The following PWWP2A variants were observed in gnomAD, a reference collection of about 807,000 sequenced individuals.
The protein encoded by PWWP2A is PWWP domain-containing protein 2A.
PWWP2A carries 18 observed loss-of-function variants against 48.5 expected under a neutral mutation model. That is an observed-to-expected ratio of 0.37 (90% CI 0.26 to 0.55). The LOEUF is 0.55. PWWP2A is among the 20% of genes least tolerant of loss of function. The pLI is 0.81. For missense variants in PWWP2A, 867 were observed against 976.4 expected (o/e 0.89, Z 1.49); for synonymous variants, 396 against 387.7 (o/e 1.02, Z -0.25).
At chr5:160,064,826 A>G in intron 4 of PWWP2A, 1 of 1,247,194 alleles carries the variant, frequency 8.0e-7, no homozygotes, top group Non-Finnish European at 1.1e-6. Context: ...TTAACTGCAA[A>G]GAGATACTTT....
At chr5:160,082,752 A>C (rs936207501) in intron 2 of PWWP2A, among the ~76,000 whole-genome samples, 6 of 152,172 alleles carry the variant, frequency 3.9e-5, no homozygotes. Flanking sequence ...TACCACTAGC[A>C]CAGGATATCC....
rs551284658 is a variant in PWWP2A at position 160,118,890 on chromosome 5, C to T, written c.499G>A (p.Asp167Asn). 1 of 1,601,170 alleles carries T rather than the reference C, an allele frequency of 6.2e-7. No individual in the cohort carries two copies. Among genetic ancestry groups the T allele is most frequent in the Non-Finnish European group, 8.5e-7 (1 of 1,174,916 alleles). Residue 167 changes from aspartate to asparagine, a missense_variant, in exon 1 of 2, where the codon GAC becomes AAC. By Grantham distance (23) the Asp-to-Asn change is conservative. Around this residue, in one of 4 missense-constraint regions of PWWP2A, gnomAD observed 385 missense variants for 396.9 expected, o/e 0.97. Coordinates refer to ENST00000307063, the MANE Select transcript of PWWP2A (RefSeq NM_001130864.2). The part of the protein sequence containing the change: ...IPGSEVRVTL[D>N]HIIEDALVVS... ...ACAAGCGCGTCCTCAATGATGTGGT[C>T]CAGCGTGACCCGCACCTCCGAGCCC...
chr5:160,097,475 C>T (rs530784283), intron 1 of PWWP2A, among the ~76,000 whole-genome samples: 6 of 147,356 alleles, frequency 4.1e-5, no homozygotes, highest in African/African-American at 1.3e-4. Context: ...ACTAAAAATA[C>T]AAAAATTAGC....
Position 160,118,967 on chromosome 5 carries a change from G to T in PWWP2A, c.422C>A (p.Pro141Gln). ...EEPPLPQPVA[P>Q]ALVPPAGGDS... ...CCCGCCCGCCGGCGGCACGAGCGCC[G>T]GGGCTACGGGCTGAGGCAGCGGCGG... The change falls in exon 1 of 2, where the codon CCG becomes CAG. Residue 141 changes from proline (P) to glutamine (Q), a missense_variant. Pro to Gln is a moderately conservative substitution (Grantham distance 76). Coordinates refer to ENST00000307063, the MANE Select transcript of PWWP2A (RefSeq NM_001130864.2). The T allele has an allele frequency of 6.3e-7, 1 of 1,597,704 alleles. No homozygotes were observed. Among genetic ancestry groups the T allele is most frequent in the East Asian group, 2.3e-5 (1 of 42,986 alleles).
In PWWP2A at chr5:160,092,963, T is replaced by TG; in HGVS notation, c.1686dup (p.Asn563GlnfsTer14). ...TTTAGGGTCATATAAACAGAGATAT[T>TG]GTTTTTGCTGCCCTTTTTGCCCAAT... On this transcript the variant is annotated frameshift_variant, in exon 2 of 2. Transcript: ENST00000307063. LOFTEE classifies it high-confidence loss of function. The TG allele has an allele frequency of 6.4e-7, 1 of 1,553,290 alleles. No individual in the cohort carries two copies. Among genetic ancestry groups the TG allele is most frequent in the Non-Finnish European group, 8.7e-7 (1 of 1,147,794 alleles).
chr5:160,105,017 G>C (rs1756723891), intron 1 of PWWP2A, among the ~76,000 whole-genome samples: 1 of 152,164 alleles, frequency 6.6e-6, no homozygotes, highest in Non-Finnish European at 1.5e-5. Flanking sequence ...CAAAGCAGGA[G>C]TATCGTTTGA....
intron 1 of PWWP2A, among the ~76,000 whole-genome samples, chr5:160,101,516 C>G (rs1427504427): frequency 2.0e-5 from 3 of 152,106 alleles, no homozygotes. Flanking sequence ...GGTGGAGAAG[C>G]AGAAATGGGA....
At chr5:160,047,996 C>A in the PWWP2A span, among the ~76,000 whole-genome samples, 26 of 151,994 alleles carry the variant, frequency 1.7e-4, no homozygotes, top group Non-Finnish European at 2.1e-4. Flanking sequence ...TCTTGTTTCC[C>A]ACTATAGCCC....
the PWWP2A span, among the ~76,000 whole-genome samples, chr5:160,044,811 T>C: frequency 6.6e-6 from 1 of 152,200 alleles, no homozygotes; most frequent in East Asian, 1.9e-4. Flanking sequence ...GGTCTCAGCC[T>C]TATTTTACCC....
downstream of PWWP2A, among the ~76,000 whole-genome samples, chr5:160,088,296 G>A (rs1159269714): frequency 6.6e-6 from 1 of 152,058 alleles, no homozygotes; most frequent in Non-Finnish European, 1.5e-5. Context: ...CGCCTCCCGG[G>A]TTCAAGCAAT....
At chr5:160,066,321 G>C (rs995205718) in intron 4 of PWWP2A, among the ~76,000 whole-genome samples, 10 of 25,598 alleles carry the variant, frequency 3.9e-4, no homozygotes, top group African/African-American at 1.3e-3. Flanking sequence ...TTTTTGAGGG[G>C]GGTCTCGCTC....
intron 4 of PWWP2A, among the ~76,000 whole-genome samples, chr5:160,066,295 C>CCTTTTTTTTTTTT (rs748083955): frequency 3.5e-5 from 2 of 57,950 alleles, no homozygotes; most frequent in Admixed American, 1.7e-4. Flanking sequence ...AAGTGGTTCT[C>CCTTTTTTTTTTTT]ATTTTTTTTT....
intron 1 of PWWP2A, among the ~76,000 whole-genome samples, chr5:160,117,668 A>C (rs932951855): frequency 6.6e-6 from 1 of 152,204 alleles, no homozygotes; most frequent in Admixed American, 6.5e-5. Context: ...AAAAAAAAAA[A>C]AAAGATATTT....
At chr5:160,090,166 T>C, downstream of PWWP2A, 1 of 985,218 alleles carries the variant, frequency 1.0e-6, no homozygotes, top group Non-Finnish European at 1.2e-6. Flanking sequence ...TATTCAACAA[T>C]CATGTTTTTT....
At chr5:160,090,099 T>C, downstream of PWWP2A, 1 of 985,340 alleles carries the variant, frequency 1.0e-6, no homozygotes, top group Non-Finnish European at 1.2e-6. Flanking sequence ...ATATCATTTG[T>C]GATATGCTCA....
At chr5:160,086,109 G>A (rs1271675731) in intron 2 of PWWP2A, among the ~76,000 whole-genome samples, 2 of 152,086 alleles carry the variant, frequency 1.3e-5, no homozygotes, top group Admixed American at 6.5e-5. Context: ...GTGGGCCATC[G>A]CGCCCGGCCT....
intron 1 of PWWP2A, chr5:160,113,258 C>G: frequency 1.0e-6 from 1 of 980,434 alleles, no homozygotes; most frequent in Non-Finnish European, 1.2e-6. Context: ...TTATGTATGT[C>G]CAGCTCCTTT....
intron 1 of PWWP2A, among the ~76,000 whole-genome samples, chr5:160,099,819 C>T (rs1756072513): frequency 6.6e-6 from 1 of 151,856 alleles, no homozygotes; most frequent in Non-Finnish European, 1.5e-5. Context: ...GTGTGTGCCA[C>T]CACGCCCCGC....
the PWWP2A span, among the ~76,000 whole-genome samples, chr5:160,045,487 CACACACACACACACACACACACACACAT>C: frequency 9.7e-4 from 118 of 122,122 alleles, 2 homozygotes; most frequent in African/African-American, 3.7e-3. Context: ...CACACACACA[CACACACACACACACACACACACACACAT>C]ACACACTCTC....
Sources: gnomAD v4.1 joint callset for allele counts (sites outside exome capture counted in the v4.1 genomes callset) on GRCh38, gnomAD v4.1.1 for gene constraint, gnomAD v4.1.1 regional missense constraint, MANE v1.5 for transcripts, NCBI Gene and HGNC (gene_info 2026-07-23, HGNC 2026-07-21) for gene names.